EFR3A: variants seen among roughly 807,000 people sequenced by gnomAD.
EFR3A encodes protein EFR3 homolog A.
Under a neutral mutation model 104.4 loss-of-function variants are expected in EFR3A, and 76 were observed. The observed-to-expected ratio is 0.73, with a 90% CI of 0.60 to 0.88. The LOEUF (loss-of-function observed/expected upper bound fraction) is 0.88. Among genes scored for constraint, EFR3A ranks in the 40% least tolerant of loss-of-function variants. EFR3A has a pLI of 0.00. For missense variants in EFR3A, 985 were observed against 1,012.5 expected, an observed-to-expected ratio of 0.97 and a Z score of 0.37; for synonymous variants, 330 against 330.0, an observed-to-expected ratio of 1.00 and a Z score of 0.00.
rs534441672 is a variant in EFR3A, at chr8:131,919,591, G to A, written c.10+15269G>A. Among the ~76,000 whole-genome samples, 197 of 119,174 alleles carry A rather than the reference G, an allele frequency of 1.7e-3. 1 individual carries two copies. Among genetic ancestry groups the A allele is most frequent in the Non-Finnish European group, 2.6e-3 (159 of 60,986 alleles). 78.2% of individuals were successfully genotyped at this position (119,174 alleles called of 152,430 possible). ...AGCCTGGGCGACAGAGCAAGACTCC[G>A]TCTCAAAAAAAAAAAAAAAAAAAAA... On this transcript the variant is annotated intron_variant, in intron 1 of 22. Transcript: ENST00000254624.
At chr8:131,949,913 A>G in intron 4 of EFR3A, 56 bp from the exon 5 acceptor site, 1 of 1,435,848 alleles carries the variant, frequency 7.0e-7, no homozygotes, top group Non-Finnish European at 9.4e-7. Flanking sequence ...AATTAAATGT[A>G]TTTGGTTCAC....
intron 5 of EFR3A, among the ~76,000 whole-genome samples, chr8:131,950,650 G>A (rs921566242): frequency 5.3e-5 from 8 of 152,092 alleles, no homozygotes; most frequent in African/African-American, 1.7e-4. Flanking sequence ...ATAAATTCCA[G>A]GAGCGTGAGG....
intron 2 of EFR3A, among the ~76,000 whole-genome samples, chr8:131,943,332 C>A (rs1350489242): frequency 1.3e-5 from 2 of 151,934 alleles, no homozygotes; most frequent in African/African-American, 2.4e-5. Context: ...TAAGTCAATG[C>A]AGTTATTTAT....
intron 1 of EFR3A, among the ~76,000 whole-genome samples, chr8:131,908,469 A>G (rs1302112611): frequency 6.6e-6 from 1 of 152,170 alleles, no homozygotes; most frequent in African/African-American, 2.4e-5. Context: ...ACAGTTTGCT[A>G]TTAGTAATAG....
intron 1 of EFR3A, among the ~76,000 whole-genome samples, chr8:131,933,338 G>T (rs893962282): frequency 7.2e-5 from 11 of 152,274 alleles, no homozygotes; most frequent in South Asian, 2.1e-4. Context: ...GAACCATGCA[G>T]TGTTGTACAG....
chr8:131,950,712 C>T (rs1442467375), intron 5 of EFR3A, among the ~76,000 whole-genome samples: 1 of 152,132 alleles, frequency 6.6e-6, no homozygotes, highest in Non-Finnish European at 1.5e-5. Context: ...GTGCCTGGTA[C>T]ATAGTAGGCT....
rs773398048 is a variant in EFR3A, at chr8:132,010,811, AACACTGACCATT to A, written c.2385_2396del (p.Leu796_Thr799del). The A allele has an allele frequency of 5.0e-6, 8 of 1,612,328 alleles. No homozygotes were observed. The Admixed American group carries it at 1.3e-4, about 27-fold the overall frequency. Reference sequence around the variant, plus strand: ...ATAGTCCTCCTCCCAGTCCATCAGGAACACTGACCATTACTTCTGGGCATGCCCAATACCAAT... The same window carrying A: ...ATAGTCCTCCTCCCAGTCCATCAGGAACTTCTGGGCATGCCCAATACCAAT... On this transcript the variant is annotated inframe_deletion, in exon 23 of 23. Transcript: ENST00000254624.
chr8:132,009,401 G>A (rs1009400296), intron 22 of EFR3A, among the ~76,000 whole-genome samples: 4 of 152,056 alleles, frequency 2.6e-5, no homozygotes, highest in Admixed American at 6.6e-5. Context: ...TAAGGTCAAT[G>A]TGAAAGAATC....
rs536099991 is a variant in EFR3A at position 131,954,010 on chromosome 8, A to G, written c.638+43A>G. The G allele has an allele frequency of 9.2e-5, 134 of 1,457,262 alleles. 1 individual carries two copies. In the East Asian group the frequency reaches 3.3e-3, roughly 36 times the overall value. 90.3% of individuals were successfully genotyped at this position (1,457,262 alleles called of 1,614,324 possible). On this transcript the variant is annotated intron_variant, in intron 6 of 22. Coordinates refer to ENST00000254624, the MANE Select transcript of EFR3A (RefSeq NM_015137.6). ...AGTGTTGAGACAGTGTTACTTTTAT[A>G]TATATGTATGTGTGTTTCCTAGGAT...
chr8:131,933,264 C>T (rs1251129017), intron 1 of EFR3A, among the ~76,000 whole-genome samples: 1 of 152,112 alleles, frequency 6.6e-6, no homozygotes, highest in Non-Finnish European at 1.5e-5. Context: ...ACTCTTCCCC[C>T]TGAGCACATT....
rs768465113 is a variant in EFR3A, at chr8:131,978,852, C to T, written c.1332C>T (p.Thr444=). The change falls in exon 13 of 23, where the codon ACC becomes ACT. Residue 444 remains threonine, a synonymous_variant. Transcript: ENST00000254624. ...IMLLRSLLMV[T]SGYKAKTIVT... ...GTTTTCTTCTCGATAATCAGGTGACCTCTGGATATAAAGCGAAGACGATTG... is the reference window on the plus strand; with the variant it reads ...GTTTTCTTCTCGATAATCAGGTGACTTCTGGATATAAAGCGAAGACGATTG... 1.3e-6 allele frequency: 2 copies of T among 1,588,356 alleles called. No homozygotes were observed. The highest frequency in any genetic ancestry group is 2.3e-5 in the East Asian group (1 of 44,102).
intron 7 of EFR3A, among the ~76,000 whole-genome samples, chr8:131,957,570 G>C (rs1170547570): frequency 1.3e-5 from 2 of 152,004 alleles, no homozygotes; most frequent in African/African-American, 4.8e-5. Context: ...GGCTGGTCTC[G>C]AGCTCCCAAC....
intron 1 of EFR3A, among the ~76,000 whole-genome samples, chr8:131,927,093 A>T (rs1301763349): frequency 1.3e-5 from 2 of 152,138 alleles, no homozygotes; most frequent in Non-Finnish European, 2.9e-5. Context: ...GCCCTTGAGG[A>T]GCTTATAGAC....
At chr8:131,930,446 T>G (rs1668887544) in intron 1 of EFR3A, among the ~76,000 whole-genome samples, 1 of 117,988 alleles carries the variant, frequency 8.5e-6, no homozygotes, top group Admixed American at 8.3e-5. Flanking sequence ...CACGGTGGAA[T>G]GAAATACAGA....
At chr8:131,910,745 C>G (rs983056011) in intron 1 of EFR3A, among the ~76,000 whole-genome samples, 1 of 152,176 alleles carries the variant, frequency 6.6e-6, no homozygotes, top group Admixed American at 6.5e-5. Flanking sequence ...ACATTTTACT[C>G]ATTACATGGC....
rs553181889 is a variant in EFR3A, at chr8:131,963,124, TC to T, written c.855+3462del. ...TGCCCACAAGAGAAAGCAGGAAAGA[TC>T]TAAAAATTGACACCCTAACATCACA... On this transcript the variant is annotated intron_variant, in intron 8 of 22. Transcript: ENST00000254624. Among the ~76,000 whole-genome samples, 5 of 152,154 alleles carry T rather than the reference TC, an allele frequency of 3.3e-5. No homozygotes were observed. In the East Asian group the frequency reaches 9.7e-4, roughly 30 times the overall value.
chr8:131,906,722 A>C (rs1282439085), intron 1 of EFR3A, among the ~76,000 whole-genome samples: 1 of 152,208 alleles, frequency 6.6e-6, no homozygotes, highest in Non-Finnish European at 1.5e-5. Flanking sequence ...CTGACAGGAA[A>C]CTGCCAGGAC....
At position 132,011,378 on chromosome 8, in the gene EFR3A, C is replaced by T. The variant is rs1262813359; in HGVS notation, c.*483C>T. On this transcript the variant is annotated 3_prime_UTR_variant, in exon 23 of 23. Coordinates refer to ENST00000254624, the MANE Select transcript of EFR3A (RefSeq NM_015137.6). The stretch of plus-strand genomic sequence containing the variant: ...AAAACTGTTCGGTGGCTTTTTGTCC[C>T]CATGCTTTAGATAAGCTGGGATAGG... 3.0e-6 allele frequency: 3 copies of T among 985,922 alleles called. No individual in the cohort carries two copies. In the Admixed American group the frequency reaches 1.8e-4, roughly 60 times the overall value. 61.1% of individuals were successfully genotyped at this position (985,922 alleles called of 1,614,324 possible).
intron 1 of EFR3A, among the ~76,000 whole-genome samples, chr8:131,919,487 T>C (rs1018406910): frequency 1.3e-5 from 2 of 150,244 alleles, no homozygotes; most frequent in Non-Finnish European, 2.9e-5. Flanking sequence ...ACTCAGCTAC[T>C]CAGGAGGCTG....
Sources: gnomAD v4.1 joint callset for allele counts (sites outside exome capture counted in the v4.1 genomes callset) on GRCh38, gnomAD v4.1.1 for gene constraint, MANE v1.5 for transcripts, NCBI Gene and HGNC (gene_info 2026-07-23, HGNC 2026-07-21) for gene names.